Variants in TDRD3 observed in about 807,000 individuals in gnomAD.
TDRD3 encodes the protein tudor domain containing 3.
Under a neutral mutation model 86.7 loss-of-function variants are expected in TDRD3, and 45 were observed. The observed-to-expected ratio is 0.52, with a 90% CI of 0.41 to 0.67. The LOEUF is 0.67. Ranked by LOEUF, TDRD3 falls within the 30% of genes least tolerant of loss-of-function variation. The probability of loss-of-function intolerance (pLI) is 0.00; values close to 1 mark genes in which losing one functional copy is unlikely to be tolerated. For missense variants in TDRD3, 814 were observed against 889.0 expected, an observed-to-expected ratio of 0.92 and a Z score of 1.07; for synonymous variants, 298 against 301.7, an observed-to-expected ratio of 0.99 and a Z score of 0.13.
chr13:60,463,309 C>T (rs1955840753), intron 4 of TDRD3, among the ~76,000 whole-genome samples: 1 of 144,262 alleles, frequency 6.9e-6, no homozygotes, highest in Non-Finnish European at 1.5e-5. Context: ...TTGCAGTGAG[C>T]TGAGAACACA....
At chr13:60,531,870 T>C (rs1166077978) in intron 11 of TDRD3, among the ~76,000 whole-genome samples, 1 of 152,068 alleles carries the variant, frequency 6.6e-6, no homozygotes, top group African/African-American at 2.4e-5. Flanking sequence ...TGAATGATTA[T>C]CAAAAACAAA....
intron 1 of TDRD3, among the ~76,000 whole-genome samples, chr13:60,431,902 A>G (rs1051091922): frequency 1.3e-5 from 2 of 152,008 alleles, no homozygotes; most frequent in Non-Finnish European, 1.5e-5. Context: ...AATAGTACGT[A>G]CCTTTATTTA....
intron 7 of TDRD3, among the ~76,000 whole-genome samples, chr13:60,487,133 T>C (rs1956457373): frequency 1.3e-5 from 2 of 152,206 alleles, no homozygotes; most frequent in Non-Finnish European, 2.9e-5. Flanking sequence ...CCTAATGATA[T>C]GGTATAGCAG....
rs570463332 is a variant in TDRD3 at position 60,397,628 on chromosome 13, G to GGGC, written c.41+229_41+231dup. ...CGGCGGCGGCGGCGGCCTGGGCCCCGGGCGGCGGGCCTGGGCCCCGGGCGG... is the reference window on the plus strand; with the variant it reads ...CGGCGGCGGCGGCGGCCTGGGCCCCGGGCGGCGGCGGGCCTGGGCCCCGGGCGG... On this transcript the variant is annotated intron_variant, in intron 1 of 13. Transcript: ENST00000377881. Among the ~76,000 whole-genome samples the GGGC allele has an allele frequency of 9.9e-3, 923 of 93,666 alleles. 15 individuals are homozygous for GGGC. Among genetic ancestry groups the GGGC allele is most frequent in the African/African-American group, 0.026 (888 of 34,438 alleles). 61.4% of individuals were successfully genotyped at this position (93,666 alleles called of 152,430 possible).
chr13:60,521,464 T>TA lies in TDRD3; in HGVS notation c.1142-6891dup, dbSNP rs374399233. ...AAAAATATTTAAAGCAGCTTTTTCT[T>TA]AAAAAAAAAAAATGTAATACAGAAA... On this transcript the variant is annotated intron_variant, in intron 10 of 13. Coordinates refer to ENST00000377881, the MANE Select transcript of TDRD3 (RefSeq NM_001146070.2). Among the ~76,000 whole-genome samples the TA allele has an allele frequency of 9.4e-4, 139 of 147,444 alleles. 1 individual carries two copies. The highest frequency in any genetic ancestry group is 7.7e-3 in the South Asian group (36 of 4,654).
chr13:60,427,723 GTATT>G (rs1954848118), intron 1 of TDRD3, among the ~76,000 whole-genome samples: 1 of 152,152 alleles, frequency 6.6e-6, no homozygotes, highest in African/African-American at 2.4e-5. Context: ...TTCACTGAAA[GTATT>G]CATTCAGGAA....
intron 10 of TDRD3, among the ~76,000 whole-genome samples, chr13:60,526,823 T>G (rs1324637153): frequency 6.6e-6 from 1 of 152,096 alleles, no homozygotes; most frequent in African/African-American, 2.4e-5. Context: ...ATGGATTTTT[T>G]TGGACCACTT....
intron 5 of TDRD3, among the ~76,000 whole-genome samples, chr13:60,477,221 A>T (rs1461940634): frequency 1.3e-5 from 2 of 150,144 alleles, no homozygotes; most frequent in Admixed American, 6.7e-5. Flanking sequence ...TATTGTTATT[A>T]TTATTATTAT....
chr13:60,397,910 C>T (rs561953073), intron 1 of TDRD3, among the ~76,000 whole-genome samples: 1 of 152,272 alleles, frequency 6.6e-6, no homozygotes, highest in South Asian at 2.1e-4. Context: ...CGGCCGGAGC[C>T]GCCTCTTCTT....
At chr13:60,444,903 A>C (rs1955365332) in intron 3 of TDRD3, among the ~76,000 whole-genome samples, 155 bp downstream of exon 3, 1 of 152,006 alleles carries the variant, frequency 6.6e-6, no homozygotes, top group Non-Finnish European at 1.5e-5. Flanking sequence ...ACTTCCATGG[A>C]AAATTATTAA....
chr13:60,515,460 C>T (rs546252037), intron 10 of TDRD3, among the ~76,000 whole-genome samples: 21 of 152,172 alleles, frequency 1.4e-4, no homozygotes, highest in Admixed American at 3.9e-4. Flanking sequence ...AATAGCTAGA[C>T]GATAAAGTGA....
chr13:60,396,329 C>G (rs1004738746), upstream of TDRD3: 4 of 152,266 alleles, frequency 2.6e-5, no homozygotes, highest in African/African-American at 9.6e-5. Context: ...TTTTAGGGAG[C>G]GCCTCTTGGG....
chr13:60,419,006 G>A (rs943118609), intron 1 of TDRD3, among the ~76,000 whole-genome samples: 1 of 152,126 alleles, frequency 6.6e-6, no homozygotes, highest in Non-Finnish European at 1.5e-5. Flanking sequence ...ATAAGGCTTG[G>A]AGCATTCATT....
chr13:60,488,144 G>A (rs36049707), intron 7 of TDRD3, among the ~76,000 whole-genome samples: 2 of 152,108 alleles, frequency 1.3e-5, no homozygotes, highest in South Asian at 4.1e-4. Flanking sequence ...GAGATGGGTC[G>A]TCAGTCTCAA....
intron 1 of TDRD3, among the ~76,000 whole-genome samples, chr13:60,430,731 T>TA (rs780904596): frequency 6.6e-6 from 1 of 152,132 alleles, no homozygotes; most frequent in Admixed American, 6.6e-5. Context: ...GCTCAGCTGT[T>TA]ACAATTTTTT....
intron 10 of TDRD3, among the ~76,000 whole-genome samples, chr13:60,520,612 A>G (rs747339843): frequency 2.6e-5 from 4 of 152,054 alleles, no homozygotes; most frequent in Admixed American, 6.6e-5. Context: ...AAGCTACATT[A>G]TTTGTTCTTT....
chr13:60,423,003 A>C lies in TDRD3; in HGVS notation c.42-16685A>C, dbSNP rs370801454. 2.9e-3 allele frequency among the ~76,000 whole-genome samples: 442 copies of C among 152,310 alleles called. 3 individuals carry two copies. Among genetic ancestry groups the C allele is most frequent in the African/African-American group, 9.7e-3 (402 of 41,586 alleles). ...AGCAATTAACTCCAAGACATATCCC[A>C]GTTAAAAATTATCAGATTATTAAGA... On this transcript the variant is annotated intron_variant, in intron 1 of 13. Transcript: ENST00000377881.
At chr13:60,475,330 G>A (rs981624579) in intron 5 of TDRD3, among the ~76,000 whole-genome samples, 3 of 152,178 alleles carry the variant, frequency 2.0e-5, no homozygotes, top group Non-Finnish European at 2.9e-5. Flanking sequence ...CCACTTATAA[G>A]TGAGAACATA....
intron 4 of TDRD3, among the ~76,000 whole-genome samples, chr13:60,462,093 A>G (rs972599392): frequency 4.6e-5 from 7 of 152,190 alleles, no homozygotes; most frequent in African/African-American, 1.7e-4. Flanking sequence ...TCTATATACA[A>G]AGGGAGATTT....
Sources: allele counts gnomAD v4.1 joint callset (sites outside exome capture counted in the v4.1 genomes callset), GRCh38; gene constraint gnomAD v4.1.1; transcripts MANE v1.5; gene names NCBI Gene and HGNC (gene_info 2026-07-23, HGNC 2026-07-21).